The following SVEP1 variants were observed in gnomAD, a reference collection of about 807,000 sequenced individuals.
SVEP1 encodes the protein sushi, von Willebrand factor type A, EGF and pentraxin domain-containing protein 1.
Under a neutral mutation model 367.3 loss-of-function variants are expected in SVEP1, and 164 were observed. The observed-to-expected ratio is 0.45, with a 90% confidence interval of 0.39 to 0.51. The LOEUF (loss-of-function observed/expected upper bound fraction) is 0.51, where lower values mean the gene tolerates loss of function less well. Among genes scored for constraint, SVEP1 ranks in the 20% least tolerant of loss-of-function variants. The pLI is 0.00. For synonymous variants in SVEP1, 1,666 were observed against 1,611.6 expected (o/e 1.03, Z -0.81); for missense variants, 4,117 against 4,425.3 (o/e 0.93, Z 1.98).
chr9:110,508,332 A>G (rs570810094), intron 5 of SVEP1, among the ~76,000 whole-genome samples: 1 of 152,278 alleles, frequency 6.6e-6, no homozygotes, highest in South Asian at 2.1e-4. Flanking sequence ...TTAGTCTCCA[A>G]ATTGTGATAT....
intron 18 of SVEP1, 37 bp from the exon 19 acceptor site, chr9:110,459,150 G>GT: frequency 6.3e-7 from 1 of 1,589,464 alleles, no homozygotes; most frequent in Non-Finnish European, 8.6e-7. Flanking sequence ...TGCATATAAA[G>GT]TAACACACCC....
At position 110,457,302 on chromosome 9, in the gene SVEP1, C is replaced by G. The variant is rs753470070; in HGVS notation, c.3627G>C (p.Gln1209His). The G allele has an allele frequency of 1.2e-6, 2 of 1,612,550 alleles. No individual in the cohort carries two copies. The highest frequency in any genetic ancestry group is 1.7e-6 in the Non-Finnish European group (2 of 1,179,612). The change falls in exon 21 of 48, where the codon CAG (glutamine) becomes CAC (histidine). Residue 1209 changes from glutamine to histidine, a missense_variant. Gln to His is a conservative substitution (Grantham distance 24). Transcript: ENST00000374469. ...GACAAACATAACCACGCCCAAGTTG[C>G]TGGCAGGTTCCACTATTGTGGCAAG... is the stretch of plus-strand genomic sequence containing the variant. ...FNPCHNSGTC[Q>H]QLGRGYVCLC...
intron 1 of SVEP1, among the ~76,000 whole-genome samples, chr9:110,570,471 T>G (rs956541252): frequency 3.3e-5 from 4 of 120,868 alleles, no homozygotes; most frequent in African/African-American, 6.2e-5. Flanking sequence ...CTGTTGCGTG[T>G]GTGTGTGTGT....
intron 6 of SVEP1, among the ~76,000 whole-genome samples, chr9:110,501,777 A>G (rs189562321): frequency 6.6e-6 from 1 of 152,252 alleles, no homozygotes; most frequent in Admixed American, 6.5e-5. Flanking sequence ...ATGAATTTTT[A>G]TCTTCTACTA....
intron 22 of SVEP1, among the ~76,000 whole-genome samples, chr9:110,452,815 G>A (rs914536203): frequency 6.6e-6 from 1 of 152,032 alleles, no homozygotes; most frequent in African/African-American, 2.4e-5. Context: ...TTTATCAAGT[G>A]CAATATCAAG....
rs1828610104 is a variant in SVEP1 at position 110,446,960 on chromosome 9, C to T, written c.4201G>A (p.Glu1401Lys). 3 of 1,546,860 alleles carry T rather than the reference C, an allele frequency of 1.9e-6. No individual in the cohort carries two copies. The East Asian group carries it at 7.4e-5, about 38-fold the overall frequency. Residue 1401 changes from glutamate (E) to lysine (K), a missense_variant, in exon 25 of 48, where the codon GAA becomes AAA. Glu to Lys is a moderately conservative substitution (Grantham distance 56). Coordinates refer to ENST00000374469, the MANE Select transcript of SVEP1 (RefSeq NM_153366.4). ...PCRNQATCVD[E>K]LNSYSCKCQP... ...CATTTACAACTGTATGAATTTAATTCATCCACACAGGTGGCCTGATTTCTA... is the reference window on the plus strand; with the variant it reads ...CATTTACAACTGTATGAATTTAATTTATCCACACAGGTGGCCTGATTTCTA...
At chr9:110,518,313 T>G (rs914468573) in intron 3 of SVEP1, among the ~76,000 whole-genome samples, 2 of 151,814 alleles carry the variant, frequency 1.3e-5, no homozygotes, top group African/African-American at 4.8e-5. Flanking sequence ...ATCCAGCTAT[T>G]TGGGAGGCAG....
intron 20 of SVEP1, chr9:110,458,211 G>T: frequency 1.7e-6 from 1 of 583,822 alleles, no homozygotes. Flanking sequence ...GAATCAAAAG[G>T]CTCCCCCTGG....
At chr9:110,547,695 A>T (rs1485310114) in intron 2 of SVEP1, among the ~76,000 whole-genome samples, 4 of 152,158 alleles carry the variant, frequency 2.6e-5, no homozygotes, top group Admixed American at 2.6e-4. Flanking sequence ...TTATTCTGTA[A>T]CCTATGTCTA....
chr9:110,408,221 C>T lies in SVEP1; in HGVS notation c.7379G>A (p.Ser2460Asn). The change falls in exon 38 of 48, where the codon AGC (serine) becomes AAC (asparagine). Residue 2460 changes from serine (S) to asparagine (N), a missense_variant. Ser to Asn is a conservative substitution (Grantham distance 46). This residue lies in a region of SVEP1 where 1,765 missense variants were observed against 1,781.1 expected (regional missense o/e 0.99). Coordinates refer to ENST00000374469, the MANE Select transcript of SVEP1 (RefSeq NM_153366.4). ...IIDVQGLAYL[S>N]TALYTCKPGF... ...TGGCTTGCAGGTATAGAGAGCTGTG[C>T]TGAGATAGGCAAGGCCTTGCACATC... 6.2e-7 allele frequency: 1 copy of T among 1,614,016 alleles called. No individual in the cohort carries two copies. Among genetic ancestry groups the T allele is most frequent in the Non-Finnish European group, 8.5e-7 (1 of 1,179,910 alleles).
intron 3 of SVEP1, among the ~76,000 whole-genome samples, chr9:110,531,967 T>G (rs1416179485): frequency 2.0e-5 from 3 of 152,280 alleles, no homozygotes; most frequent in African/African-American, 7.2e-5. Context: ...AGATGGCTTA[T>G]TTTGATACTA....
chr9:110,433,187 A>G (rs1364449919), intron 30 of SVEP1, among the ~76,000 whole-genome samples: 1 of 152,170 alleles, frequency 6.6e-6, no homozygotes, highest in African/African-American at 2.4e-5. Context: ...AGCCGGCAGA[A>G]CTGTGAGCCA....
intron 27 of SVEP1, among the ~76,000 whole-genome samples, chr9:110,439,466 TCA>T (rs890371231): frequency 1.1e-4 from 16 of 152,266 alleles, no homozygotes; most frequent in African/African-American, 3.6e-4. Context: ...CAATCTCACC[TCA>T]CTGCGACCTC....
intron 13 of SVEP1, among the ~76,000 whole-genome samples, chr9:110,479,288 A>G (rs183492564): frequency 3.9e-4 from 60 of 152,214 alleles, no homozygotes; most frequent in African/African-American, 1.4e-3. Flanking sequence ...TTAAATGTAC[A>G]ATTATCTTTT....
Position 110,436,465 on chromosome 9 carries a change from T to G in SVEP1, c.4679A>C (p.Lys1560Thr). The part of the protein sequence containing the change: ...ALVLGQEQDK[K>T]GEGFSPAESF... The stretch of plus-strand genomic sequence containing the variant: ...CTCAGCTGGGCTGAATCCCTCTCCT[T>G]TTTTGTCTTGCTCTTGCCCCAGAAC... Residue 1560 changes from lysine to threonine, a missense_variant, in exon 28 of 48, where the codon AAA (lysine) becomes ACA (threonine). Lys to Thr is a moderately conservative substitution (Grantham distance 78). Around this residue, in one of 4 missense-constraint regions of SVEP1, gnomAD observed 2,174 missense variants for 2,494.3 expected, o/e 0.87. Coordinates refer to ENST00000374469, the MANE Select transcript of SVEP1 (RefSeq NM_153366.4). 1 of 1,613,888 alleles carries G rather than the reference T, an allele frequency of 6.2e-7. No individual in the cohort carries two copies. The highest frequency in any genetic ancestry group is 1.3e-5 in the African/African-American group (1 of 75,014).
intron 37 of SVEP1, 27 bp from the exon 38 acceptor site, chr9:110,408,978 G>C (rs1280952401): frequency 6.5e-7 from 1 of 1,531,468 alleles, no homozygotes; most frequent in Non-Finnish European, 8.7e-7. Flanking sequence ...AAGCAAGTGA[G>C]TGCGATTTGT....
At chr9:110,494,435 G>A (rs1289722707) in intron 8 of SVEP1, among the ~76,000 whole-genome samples, 1 of 152,116 alleles carries the variant, frequency 6.6e-6, no homozygotes, top group African/African-American at 2.4e-5. Context: ...TTTAATTATG[G>A]AAAGAACTAT....
At chr9:110,454,185 T>A (rs930222011) in intron 22 of SVEP1, among the ~76,000 whole-genome samples, 1 of 152,212 alleles carries the variant, frequency 6.6e-6, no homozygotes, top group Non-Finnish European at 1.5e-5. Context: ...TGATGCTTTC[T>A]TTTGCAGTGC....
At chr9:110,533,579 A>T (rs1830045971) in intron 3 of SVEP1, among the ~76,000 whole-genome samples, 1 of 109,308 alleles carries the variant, frequency 9.1e-6, no homozygotes, top group African/African-American at 3.4e-5. Context: ...ACCCGGGGTT[A>T]CTATCTCTGT....
Sources: gnomAD v4.1 joint callset for allele counts (sites outside exome capture counted in the v4.1 genomes callset) on GRCh38, gnomAD v4.1.1 for gene constraint, gnomAD v4.1.1 regional missense constraint, MANE v1.5 for transcripts, NCBI Gene and HGNC (gene_info 2026-07-23, HGNC 2026-07-21) for gene names.